Variants in GNAQ observed in about 807,000 individuals in gnomAD.
GNAQ encodes the protein guanine nucleotide-binding protein G(q) subunit alpha.
In GNAQ, 8 loss-of-function variants were observed where a neutral mutation model predicts 43.9. That is an observed-to-expected ratio of 0.18 (90% confidence interval 0.11 to 0.33). The LOEUF is 0.33. Among genes scored for constraint, GNAQ ranks in the 10% least tolerant of loss-of-function variants. GNAQ has a pLI of 1.00. For missense variants in GNAQ, 158 were observed against 450.8 expected, an observed-to-expected ratio of 0.35 and a Z score of 5.88; for synonymous variants, 155 against 170.7, an observed-to-expected ratio of 0.91 and a Z score of 0.71.
chr9:77,805,436 G>A (rs537628316), intron 3 of GNAQ, among the ~76,000 whole-genome samples: 5 of 151,344 alleles, frequency 3.3e-5, no homozygotes, highest in South Asian at 2.1e-4. Context: ...ATGGAGTCTC[G>A]CTCTGTCGCC....
At chr9:77,896,327 G>A (rs568737372) in intron 2 of GNAQ, among the ~76,000 whole-genome samples, 3 of 152,118 alleles carry the variant, frequency 2.0e-5, no homozygotes, top group African/African-American at 4.8e-5. Context: ...ATAAAAGTTT[G>A]GAGAATTATA....
Position 78,025,222 on chromosome 9 carries a change from G to C in GNAQ, c.136+5878C>G, listed in dbSNP as rs540817885. 4.0e-4 allele frequency among the ~76,000 whole-genome samples: 61 copies of C among 152,244 alleles called. 1 individual carries two copies. The Middle Eastern group carries it at 0.01, about 25-fold the overall frequency. Reference sequence around the variant, plus strand: ...ATGTAACAAATCAAAGGTGATTGTTGAACAACTTCCTATAATTTTATTTTT... The same window carrying C: ...ATGTAACAAATCAAAGGTGATTGTTCAACAACTTCCTATAATTTTATTTTT... On this transcript the variant is annotated intron_variant, in intron 1 of 6. Transcript: ENST00000286548.
At chr9:77,721,940 AAC>A (rs1825320945) in intron 6 of GNAQ, among the ~76,000 whole-genome samples, 1 of 152,082 alleles carries the variant, frequency 6.6e-6, no homozygotes, top group South Asian at 2.1e-4. Context: ...CTGTCCTCCA[AAC>A]GACCCAATAT....
intron 3 of GNAQ, 123 bp from the exon 4 acceptor site, chr9:77,797,771 A>C (rs1826680430): frequency 1.2e-6 from 1 of 800,412 alleles, no homozygotes; most frequent in Non-Finnish European, 2.0e-6. Flanking sequence ...AAATATCAGA[A>C]AGTGGTAGAG....
At position 77,862,172 on chromosome 9, in the gene GNAQ, A is replaced by C. The variant is rs375481785; in HGVS notation, c.322-46402T>G. 1.5e-4 allele frequency among the ~76,000 whole-genome samples: 23 copies of C among 151,920 alleles called. No individual in the cohort carries two copies. The East Asian group carries it at 2.9e-3, about 19-fold the overall frequency. On this transcript the variant is annotated intron_variant, in intron 2 of 6. Coordinates refer to ENST00000286548, the MANE Select transcript of GNAQ (RefSeq NM_002072.5). ...AGGTGCATGGTGCAAGCTCTCGGTG[A>C]ATCTACCACTCTGGGATCTGGAGGA...
rs775099434 is a variant in GNAQ at position 77,719,076 on chromosome 9, T to TC, written c.*2246_*2247insG. 52 of 232,048 alleles carry TC rather than the reference T, an allele frequency of 2.2e-4. 1 individual carries two copies. The highest frequency in any genetic ancestry group is 1.3e-3 in the South Asian group (7 of 5,520). The allele number at this position is 232,048 out of a possible 1,614,324, so 14.4% of individuals were successfully genotyped here. A position where few individuals can be genotyped will look rare whatever the true frequency, so the allele number is the denominator to read the frequency against. On this transcript the variant is annotated 3_prime_UTR_variant, in exon 7 of 7. Transcript: ENST00000286548. ...CTACTCAGGAATGTGCAAATGATTT[T>TC]ATACAGCACGACGCTAGTACCGCTC...
chr9:77,902,826 GC>G (rs750402138), intron 2 of GNAQ, among the ~76,000 whole-genome samples: 2 of 152,208 alleles, frequency 1.3e-5, no homozygotes, highest in Admixed American at 6.5e-5. Context: ...AGCCAGTGCA[GC>G]TTTCTTAACC....
chr9:77,726,681 CTTG>C (rs1200136489), intron 6 of GNAQ, among the ~76,000 whole-genome samples: 15 of 152,180 alleles, frequency 9.9e-5, no homozygotes, highest in Admixed American at 7.9e-4. Context: ...AGTCTCTTCT[CTTG>C]TTGTTATATC....
At chr9:78,016,494 G>A (rs982081478) in intron 1 of GNAQ, among the ~76,000 whole-genome samples, 1 of 152,054 alleles carries the variant, frequency 6.6e-6, no homozygotes, top group African/African-American at 2.4e-5. Context: ...GACCATCCTG[G>A]CTAACACAGT....
At chr9:77,986,432 A>C (rs528661134) in intron 1 of GNAQ, among the ~76,000 whole-genome samples, 1 of 152,312 alleles carries the variant, frequency 6.6e-6, no homozygotes, top group East Asian at 1.9e-4. Context: ...TCAAACCTTA[A>C]GCCTCAGTTT....
rs75557985 is a variant in GNAQ, at chr9:77,959,553, C to T, written c.137-37208G>A. Among the ~76,000 whole-genome samples the T allele has an allele frequency of 4.2e-3, 637 of 152,232 alleles. 4 individuals are homozygous for T. Among genetic ancestry groups the T allele is most frequent in the African/African-American group, 0.015 (610 of 41,548 alleles). ...TAAACTATCATTTGCAAATTTCAAT[C>T]TGCATGAAAGTATGTTTTTTGGGAA... On this transcript the variant is annotated intron_variant, in intron 1 of 6. Transcript: ENST00000286548.
intron 1 of GNAQ, among the ~76,000 whole-genome samples, chr9:78,016,709 A>G (rs1823843739): frequency 6.6e-6 from 1 of 152,100 alleles, no homozygotes; most frequent in African/African-American, 2.4e-5. Flanking sequence ...TACAGAAATA[A>G]AGTGAAAGCT....
chr9:77,733,320 T>C (rs929224670), intron 5 of GNAQ, among the ~76,000 whole-genome samples: 4 of 152,202 alleles, frequency 2.6e-5, no homozygotes, highest in Admixed American at 6.5e-5. Flanking sequence ...CTGAACACAT[T>C]GCTTTTTAAT....
intron 6 of GNAQ, among the ~76,000 whole-genome samples, chr9:77,725,771 C>A (rs1318119168): frequency 6.6e-6 from 1 of 152,038 alleles, no homozygotes; most frequent in Non-Finnish European, 1.5e-5. Flanking sequence ...CAAACTAAGT[C>A]TTTTATTGCG....
Position 77,763,869 on chromosome 9 carries a change from G to A in GNAQ, c.735+30594C>T, listed in dbSNP as rs532185874. 7.9e-5 allele frequency among the ~76,000 whole-genome samples: 12 copies of A among 152,332 alleles called. No homozygotes were observed. The South Asian group carries it at 2.5e-3, about 32-fold the overall frequency. ...TTAGCATGGCAAGCTGCTCTAGGAA[G>A]CCTATATAAATATCCCACAAAAGAG... On this transcript the variant is annotated intron_variant, in intron 5 of 6. Coordinates refer to ENST00000286548, the MANE Select transcript of GNAQ (RefSeq NM_002072.5).
chr9:77,851,046 C>G (rs967316976), intron 2 of GNAQ, among the ~76,000 whole-genome samples: 1 of 152,152 alleles, frequency 6.6e-6, no homozygotes, highest in African/African-American at 2.4e-5. Context: ...AAAGATGTCA[C>G]CCATCCCCAG....
chr9:77,817,359 A>T (rs1439454157), intron 2 of GNAQ, among the ~76,000 whole-genome samples: 1 of 149,604 alleles, frequency 6.7e-6, no homozygotes, highest in African/African-American at 2.4e-5. Context: ...GGTGCCTGGC[A>T]AGTGGTAGAT....
At chr9:78,008,614 CATTTCAT>C (rs1823735817) in intron 1 of GNAQ, among the ~76,000 whole-genome samples, 1 of 106,052 alleles carries the variant, frequency 9.4e-6, no homozygotes, top group South Asian at 3.2e-4. Flanking sequence ...CATTTCATTT[CATTTCAT>C]TTTATTTTAT....
Position 77,716,326 on chromosome 9 carries a change from A to G in GNAQ, c.*4997T>C. 1 of 232,396 alleles carries G rather than the reference A, an allele frequency of 4.3e-6. No individual in the cohort carries two copies. The highest frequency in any genetic ancestry group is 8.5e-6 in the Non-Finnish European group (1 of 117,510). The allele number at this position is 232,396 out of a possible 1,614,324, so 14.4% of individuals were successfully genotyped here. On this transcript the variant is annotated 3_prime_UTR_variant, in exon 7 of 7. Coordinates refer to ENST00000286548, the MANE Select transcript of GNAQ (RefSeq NM_002072.5). Reference sequence around the variant, plus strand: ...CCAGCAAGATCATTGGGGCATTATTATACAACATTAGGTGTTTTTTGCAAA... The same window carrying G: ...CCAGCAAGATCATTGGGGCATTATTGTACAACATTAGGTGTTTTTTGCAAA...
Sources: gnomAD v4.1 joint callset for allele counts (sites outside exome capture counted in the v4.1 genomes callset) on GRCh38, gnomAD v4.1.1 for gene constraint, MANE v1.5 for transcripts, NCBI Gene and HGNC (gene_info 2026-07-23, HGNC 2026-07-21) for gene names.